Variants in SEC63 observed in about 807,000 individuals in gnomAD.
SEC63 encodes the protein SEC63 protein translocation regulator.
SEC63 carries 56 observed loss-of-function variants against 116.2 expected under a neutral mutation model. That is an observed-to-expected ratio of 0.48 (90% CI 0.39 to 0.60). SEC63 has a LOEUF of 0.60. SEC63 is among the 20% of genes least tolerant of loss of function. The probability of loss-of-function intolerance (pLI) is 0.00; values close to 1 mark genes in which losing one functional copy is unlikely to be tolerated. For synonymous variants in SEC63, 273 were observed against 294.6 expected (o/e 0.93, Z 0.75); for missense variants, 668 against 900.0 (o/e 0.74, Z 3.30).
intron 14 of SEC63, among the ~76,000 whole-genome samples, chr6:107,896,193 G>A (rs1312671687): frequency 6.6e-6 from 1 of 152,118 alleles, no homozygotes; most frequent in African/African-American, 2.4e-5. Context: ...GCTGGGCGCA[G>A]TTGCTCATGC....
intron 1 of SEC63, among the ~76,000 whole-genome samples, chr6:107,946,000 G>A (rs1168264977): frequency 2.0e-5 from 3 of 151,590 alleles, no homozygotes; most frequent in East Asian, 3.9e-4. Context: ...GCAGTGGTGC[G>A]ATCTCAGCTC....
At position 107,908,980 on chromosome 6, in the gene SEC63, G is replaced by A. The variant is rs1019470389; in HGVS notation, c.680C>T (p.Thr227Ile). The A allele has an allele frequency of 6.2e-7, 1 of 1,613,216 alleles. No individual in the cohort carries two copies. Among genetic ancestry groups the A allele is most frequent in the Non-Finnish European group, 8.5e-7 (1 of 1,179,464 alleles). Reference protein sequence around the residue: ...RYSGDQILIRTTQIYTYFVYK... With the variant: ...RYSGDQILIRITQIYTYFVYK... The stretch of plus-strand genomic sequence containing the variant: ...AACAAAGTATGTATAAATCTGTGTT[G>A]TGCGTATTAGAATCTGGTCTCCACT... Residue 227 changes from threonine (T) to isoleucine (I), a missense_variant, in exon 8 of 21, where the codon ACA becomes ATA. Around this residue, in one of 5 missense-constraint regions of SEC63, gnomAD observed 430 missense variants for 557.5 expected, o/e 0.77. Transcript: ENST00000369002.
intron 18 of SEC63, among the ~76,000 whole-genome samples, chr6:107,879,141 G>T (rs1482923277): frequency 6.6e-6 from 1 of 152,158 alleles, no homozygotes; most frequent in Non-Finnish European, 1.5e-5. Flanking sequence ...AGGTTAGAAA[G>T]ATCCTAAATA....
At chr6:107,911,264 C>T (rs1030637708) in intron 7 of SEC63, 82 bp downstream of exon 7, 2 of 920,946 alleles carry the variant, frequency 2.2e-6, no homozygotes, top group Non-Finnish European at 1.8e-6. Flanking sequence ...TTCTAACATA[C>T]ATTTAAAATG....
chr6:107,911,204 A>T, intron 7 of SEC63, 142 bp downstream of exon 7: 1 of 691,770 alleles, frequency 1.4e-6, no homozygotes. Flanking sequence ...CGATCCTCCC[A>T]CCTCACCTTC....
intron 8 of SEC63, among the ~76,000 whole-genome samples, chr6:107,907,698 T>C (rs1787176551): frequency 6.6e-6 from 1 of 152,230 alleles, no homozygotes; most frequent in South Asian, 2.1e-4. Flanking sequence ...ATATTCTTCA[T>C]ATCTGTGTAT....
Position 107,920,954 on chromosome 6 carries a change from AT to A in SEC63, c.452+842del, listed in dbSNP as rs1173383702. Among the ~76,000 whole-genome samples the A allele has an allele frequency of 2.0e-5, 3 of 152,358 alleles. No homozygotes were observed. The East Asian group carries it at 5.8e-4, about 29-fold the overall frequency. On this transcript the variant is annotated intron_variant, in intron 4 of 20. Coordinates refer to ENST00000369002, the MANE Select transcript of SEC63 (RefSeq NM_007214.5). Reference sequence around the variant, plus strand: ...CTAAGGCATAAGACCAACAAGGAAAATTATTTGGAAGTTCTGAAAAGATTTG... The same window carrying A: ...CTAAGGCATAAGACCAACAAGGAAAATATTTGGAAGTTCTGAAAAGATTTG...
At chr6:107,939,676 C>CA (rs1174062962) in intron 1 of SEC63, among the ~76,000 whole-genome samples, 1 of 151,974 alleles carries the variant, frequency 6.6e-6, no homozygotes, top group Non-Finnish European at 1.5e-5. Flanking sequence ...GCAGAGGCTG[C>CA]AGTGAGCCAA....
In SEC63 at chr6:107,939,656, AC is replaced by A. The variant is rs1292441081; in HGVS notation, c.125-10143del. Among the ~76,000 whole-genome samples, 8 of 152,184 alleles carry A rather than the reference AC, an allele frequency of 5.3e-5. 1 individual carries two copies. The highest frequency in any genetic ancestry group is 1.9e-4 in the African/African-American group (8 of 41,510). ...TTACTGGGGATGCTGAAGCAGGAGA[AC>A]CCTAGGAGGCAGAGGCTGCAGTGAG... is the stretch of plus-strand genomic sequence containing the variant. On this transcript the variant is annotated intron_variant, in intron 1 of 20. Transcript: ENST00000369002.
chr6:107,889,936 G>T (rs1402628716), intron 16 of SEC63, among the ~76,000 whole-genome samples: 1 of 152,202 alleles, frequency 6.6e-6, no homozygotes, highest in Non-Finnish European at 1.5e-5. Flanking sequence ...TTGCACTGTG[G>T]TCTGAGAGAC....
intron 12 of SEC63, among the ~76,000 whole-genome samples, chr6:107,901,957 CA>C (rs1787015273): frequency 6.6e-6 from 1 of 152,052 alleles, no homozygotes; most frequent in Non-Finnish European, 1.5e-5. Flanking sequence ...GACGCACCTT[CA>C]AAGTTTTACT....
rs143066534 is a variant in SEC63, at chr6:107,918,333, C to A, written c.452+3464G>T. Among the ~76,000 whole-genome samples, 623 of 152,180 alleles carry A rather than the reference C, an allele frequency of 4.1e-3. 3 individuals are homozygous for A. Among genetic ancestry groups the A allele is most frequent in the African/African-American group, 0.014 (584 of 41,512 alleles). ...AAGAACTCTGATGGAGCTGTACAAA[C>A]AGATTAATGTTTTCACACCTGCTAA... On this transcript the variant is annotated intron_variant, in intron 4 of 20. Transcript: ENST00000369002.
At chr6:107,935,188 C>G (rs1326210792) in intron 1 of SEC63, among the ~76,000 whole-genome samples, 68 of 149,646 alleles carry the variant, frequency 4.5e-4, no homozygotes, top group African/African-American at 1.6e-3. Flanking sequence ...GCCCCCCGCC[C>G]GGCCAGCCGC....
intron 5 of SEC63, 112 bp downstream of exon 5, chr6:107,913,254 A>T: frequency 1.3e-6 from 1 of 783,976 alleles, no homozygotes; most frequent in Non-Finnish European, 2.2e-6. Flanking sequence ...TCTATGTTAA[A>T]CTCCATGTGA....
intron 14 of SEC63, among the ~76,000 whole-genome samples, chr6:107,894,942 G>A (rs1199372574): frequency 1.3e-5 from 2 of 152,188 alleles, no homozygotes; most frequent in East Asian, 3.9e-4. Flanking sequence ...ACACCCATCT[G>A]TAAGTTCAGC....
rs1786104199 is a variant in SEC63, at chr6:107,870,409, T to A, written c.*1295A>T. 2 of 152,652 alleles carry A rather than the reference T, an allele frequency of 1.3e-5. No homozygotes were observed. The highest frequency in any genetic ancestry group is 2.9e-5 in the Non-Finnish European group (2 of 68,040). The allele number at this position is 152,652 out of a possible 1,614,324, so 9.5% of individuals were successfully genotyped here. On this transcript the variant is annotated 3_prime_UTR_variant, in exon 21 of 21. Coordinates refer to ENST00000369002, the MANE Select transcript of SEC63 (RefSeq NM_007214.5). ...GGCAACCTTTTAAAGTAAACAAGGT[T>A]GCAAATTTTAGTATTCCAACAATAT...
chr6:107,913,498 C>G, intron 4 of SEC63, 71 bp from the exon 5 acceptor site: 1 of 1,026,664 alleles, frequency 9.7e-7, no homozygotes, highest in Non-Finnish European at 1.5e-6. Flanking sequence ...TATAGACAAA[C>G]TCCATTAGCC....
intron 16 of SEC63, among the ~76,000 whole-genome samples, chr6:107,891,046 C>G (rs1786668713): frequency 6.6e-6 from 1 of 152,084 alleles, no homozygotes. Flanking sequence ...GGTTATGTGT[C>G]TCAGGGTTGC....
intron 8 of SEC63, among the ~76,000 whole-genome samples, chr6:107,907,597 A>G (rs1787174403): frequency 6.6e-6 from 1 of 152,162 alleles, no homozygotes; most frequent in Non-Finnish European, 1.5e-5. Flanking sequence ...AAAAAAATCC[A>G]TGTAATGTAC....
Sources: allele counts gnomAD v4.1 joint callset (sites outside exome capture counted in the v4.1 genomes callset), GRCh38; gene constraint gnomAD v4.1.1; regional missense constraint gnomAD v4.1.1; transcripts MANE v1.5; gene names NCBI Gene and HGNC (gene_info 2026-07-23, HGNC 2026-07-21).